SPMIP3: variants seen among roughly 807,000 people sequenced by gnomAD.
The protein encoded by SPMIP3 is sperm microtubule inner protein 3, also known as protein SPMIP3.
the SPMIP3 span, among the ~76,000 whole-genome samples, chr1:244,355,759 T>A: frequency 6.6e-6 from 1 of 152,244 alleles, no homozygotes; most frequent in Non-Finnish European, 1.5e-5. Flanking sequence ...ATAAAGCAGA[T>A]CAATGTGCAG....
chr1:244,373,138 C>T, the SPMIP3 span, among the ~76,000 whole-genome samples: 7 of 151,284 alleles, frequency 4.6e-5, no homozygotes, highest in East Asian at 2.0e-4. Flanking sequence ...CCCAGCACTT[C>T]GGGAGGTCAA....
the SPMIP3 span, chr1:244,378,405 A>AC: frequency 2.4e-4 from 363 of 1,492,800 alleles, no homozygotes; most frequent in Non-Finnish European, 3.1e-4. Flanking sequence ...ATTCCAGCTG[A>AC]CGAGAAAATG....
the SPMIP3 span, among the ~76,000 whole-genome samples, chr1:244,372,714 A>G: frequency 6.6e-6 from 1 of 152,156 alleles, no homozygotes. Flanking sequence ...AAGTGCTGGG[A>G]TTACAGGCGC....
chr1:244,389,588 A>G, the SPMIP3 span: 1 of 152,272 alleles, frequency 6.6e-6, no homozygotes, highest in Non-Finnish European at 1.5e-5. Context: ...AAGCCTGACA[A>G]CTAGGCATCA....
chr1:244,370,159 C>T, the SPMIP3 span, among the ~76,000 whole-genome samples: 52,899 of 152,126 alleles, frequency 0.35, 10,692 homozygotes, highest in East Asian at 0.79. Context: ...TGTATCAATA[C>T]CAACACCTTG....
At chr1:244,355,776 G>A in the SPMIP3 span, among the ~76,000 whole-genome samples, 1 of 152,200 alleles carries the variant, frequency 6.6e-6, no homozygotes, top group Non-Finnish European at 1.5e-5. Flanking sequence ...GCAGTGAATT[G>A]TGATCTTTAT....
At chr1:244,370,162 A>G in the SPMIP3 span, among the ~76,000 whole-genome samples, 1 of 152,184 alleles carries the variant, frequency 6.6e-6, no homozygotes, top group Non-Finnish European at 1.5e-5. Flanking sequence ...ATCAATACCA[A>G]CACCTTGGGA....
the SPMIP3 span, among the ~76,000 whole-genome samples, chr1:244,357,302 C>T: frequency 4.6e-5 from 7 of 152,000 alleles, no homozygotes; most frequent in Non-Finnish European, 1.0e-4. Context: ...TGGAGAAAAA[C>T]AAAGCAAAGG....
At chr1:244,360,727 T>C in the SPMIP3 span, among the ~76,000 whole-genome samples, 3 of 151,636 alleles carry the variant, frequency 2.0e-5, no homozygotes, top group Admixed American at 1.3e-4. Flanking sequence ...TCTACAAAAA[T>C]ACAAAAATTA....
At chr1:244,376,933 C>A in the SPMIP3 span, among the ~76,000 whole-genome samples, 3 of 151,822 alleles carry the variant, frequency 2.0e-5, no homozygotes, top group Non-Finnish European at 2.9e-5. Flanking sequence ...CTCAGCCTCC[C>A]GAGTAGCTGG....
At chr1:244,364,649 A>C in the SPMIP3 span, 1 of 1,523,216 alleles carries the variant, frequency 6.6e-7, no homozygotes, top group Non-Finnish European at 9.1e-7. Flanking sequence ...TTATGTATAA[A>C]CTGGCAATAT....
At chr1:244,372,995 A>G in the SPMIP3 span, among the ~76,000 whole-genome samples, 204 of 152,050 alleles carry the variant, frequency 1.3e-3, 3 homozygotes, top group East Asian at 0.033. Flanking sequence ...CTCCATCCAC[A>G]TTTCCATCAT....
At chr1:244,388,827 G>A in the SPMIP3 span, 1 of 652,242 alleles carries the variant, frequency 1.5e-6, no homozygotes, top group Non-Finnish European at 2.6e-6. Flanking sequence ...CATTTTAAAT[G>A]CATTCATTTG....
the SPMIP3 span, among the ~76,000 whole-genome samples, chr1:244,357,906 A>G: frequency 1.3e-5 from 2 of 151,554 alleles, no homozygotes; most frequent in Non-Finnish European, 2.9e-5. Context: ...AGTGAGACCC[A>G]TCTCTACAAA....
the SPMIP3 span, among the ~76,000 whole-genome samples, chr1:244,374,810 T>A: frequency 6.6e-6 from 1 of 151,628 alleles, no homozygotes; most frequent in Non-Finnish European, 1.5e-5. Flanking sequence ...GTTGGCCAGG[T>A]TGGTCTCGAA....
the SPMIP3 span, among the ~76,000 whole-genome samples, chr1:244,365,310 G>A: frequency 9.2e-5 from 14 of 152,144 alleles, no homozygotes; most frequent in South Asian, 6.2e-4. Flanking sequence ...TAATTCCTAC[G>A]TGTCGTGGGA....
the SPMIP3 span, among the ~76,000 whole-genome samples, chr1:244,365,341 T>C: frequency 6.6e-6 from 1 of 152,196 alleles, no homozygotes; most frequent in Non-Finnish European, 1.5e-5. Context: ...GGGAGGTAAC[T>C]GAACCATGGG....
chr1:244,373,862 CCAG>C, the SPMIP3 span, among the ~76,000 whole-genome samples: 1 of 151,952 alleles, frequency 6.6e-6, no homozygotes, highest in South Asian at 2.1e-4. Context: ...GCCTGTAATC[CCAG>C]CACTTTGGGA....
the SPMIP3 span, among the ~76,000 whole-genome samples, chr1:244,384,759 T>C: frequency 6.6e-6 from 1 of 152,192 alleles, no homozygotes; most frequent in African/African-American, 2.4e-5. Flanking sequence ...GTGGCAATGA[T>C]TGTATAAACA....
Sources: gnomAD v4.1 joint callset for allele counts (sites outside exome capture counted in the v4.1 genomes callset) on GRCh38, gnomAD v4.1.1 for gene constraint, MANE v1.5 for transcripts, NCBI Gene and HGNC (gene_info 2026-07-23, HGNC 2026-07-21) for gene names.